Variants in PSD3 observed in about 807,000 individuals in gnomAD.
The protein encoded by PSD3 is pleckstrin and Sec7 domain containing 3, also known as PH and SEC7 domain-containing protein 3.
In PSD3, 49 loss-of-function variants were observed where a neutral mutation model predicts 105.5. The observed-to-expected ratio is 0.46, with a 90% CI of 0.37 to 0.59. The LOEUF (loss-of-function observed/expected upper bound fraction) is 0.59. Ranked by LOEUF, PSD3 falls within the 20% of genes least tolerant of loss-of-function variation. PSD3 has a pLI of 0.00. For missense variants in PSD3, 1,561 were observed against 1,263.8 expected, an observed-to-expected ratio of 1.24 and a Z score of -3.57; for synonymous variants, 557 against 457.8, an observed-to-expected ratio of 1.22 and a Z score of -2.77.
chr8:18,534,669 A>C lies in PSD3; in HGVS notation c.*1074T>G, dbSNP rs865866286. The C allele has an allele frequency of 7.9e-5, 12 of 152,350 alleles. No individual in the cohort carries two copies. Among genetic ancestry groups the C allele is most frequent in the South Asian group, 2.1e-4 (1 of 4,824 alleles). 9.4% of individuals were successfully genotyped at this position (152,350 alleles called of 1,614,324 possible). A position where few individuals can be genotyped will look rare whatever the true frequency, so the allele number is the denominator to read the frequency against. ...GATATATTTTAAAGAACCAATATCC[A>C]TCGTGGACAACTGCAGCTACGTTTT... On this transcript the variant is annotated 3_prime_UTR_variant, in exon 16 of 16. Coordinates refer to ENST00000327040, the MANE Select transcript of PSD3 (RefSeq NM_015310.4).
chr8:18,963,897 T>G (rs968275118), intron 1 of PSD3, among the ~76,000 whole-genome samples: 1 of 152,326 alleles, frequency 6.6e-6, no homozygotes, highest in Middle Eastern at 3.4e-3. Flanking sequence ...ATGCTTATCT[T>G]GCTTACTTAC....
intron 10 of PSD3, among the ~76,000 whole-genome samples, chr8:18,642,318 T>C (rs969488121): frequency 6.6e-6 from 1 of 152,138 alleles, no homozygotes; most frequent in African/African-American, 2.4e-5. Flanking sequence ...CTGGCTAAAT[T>C]TTCTCACCTT....
intron 11 of PSD3, among the ~76,000 whole-genome samples, chr8:18,606,147 A>G (rs1008678680): frequency 2.0e-5 from 3 of 152,174 alleles, no homozygotes; most frequent in Non-Finnish European, 4.4e-5. Context: ...AAACCTGTAG[A>G]CATTATAACT....
At chr8:18,702,507 A>C (rs532794803) in intron 9 of PSD3, among the ~76,000 whole-genome samples, 6 of 152,348 alleles carry the variant, frequency 3.9e-5, no homozygotes, top group African/African-American at 1.4e-4. Context: ...AACAATGTGC[A>C]ATGATCAAGT....
At chr8:18,752,840 A>G (rs1805724261) in intron 9 of PSD3, among the ~76,000 whole-genome samples, 2 of 150,054 alleles carry the variant, frequency 1.3e-5, no homozygotes, top group Admixed American at 6.8e-5. Flanking sequence ...AAGAGCATGG[A>G]AATGAGGCAA....
intron 4 of PSD3, among the ~76,000 whole-genome samples, chr8:18,852,015 A>G (rs1174153470): frequency 3.3e-5 from 5 of 152,238 alleles, no homozygotes; most frequent in Admixed American, 2.0e-4. Flanking sequence ...AACTAATCAC[A>G]CAACAGTTTT....
At chr8:18,674,805 A>G (rs1799980678) in intron 9 of PSD3, among the ~76,000 whole-genome samples, 1 of 152,192 alleles carries the variant, frequency 6.6e-6, no homozygotes, top group Admixed American at 6.5e-5. Flanking sequence ...TGGGGTGTTC[A>G]AGACCAGACT....
In PSD3 at chr8:18,989,337, G is replaced by A. The variant is rs1187446802; in HGVS notation, c.21+24226C>T. On this transcript the variant is annotated intron_variant, in intron 1 of 15. Transcript: ENST00000327040. ...TTCTGCTTTCAGTCTCTTTTCATGGGTCCTTCAGAATGAGTTTTGGAAAGG... is the reference window on the plus strand; with the variant it reads ...TTCTGCTTTCAGTCTCTTTTCATGGATCCTTCAGAATGAGTTTTGGAAAGG... 5.3e-5 allele frequency: 8 copies of A among 152,148 alleles called. No homozygotes were observed. In the South Asian group the frequency reaches 1.4e-3, roughly 28 times the overall value. The allele number at this position is 152,148 out of a possible 1,614,324, so 9.4% of individuals were successfully genotyped here. A position where few individuals can be genotyped will look rare whatever the true frequency, so the allele number is the denominator to read the frequency against.
chr8:18,644,002 G>C (rs1292588885), intron 10 of PSD3, among the ~76,000 whole-genome samples: 1 of 152,190 alleles, frequency 6.6e-6, no homozygotes, highest in African/African-American at 2.4e-5. Context: ...GCAGAGAACT[G>C]AGGGGGCTCT....
chr8:18,572,389 T>C, intron 14 of PSD3, 139 bp downstream of exon 14: 1 of 1,044,484 alleles, frequency 9.6e-7, no homozygotes, highest in Non-Finnish European at 1.4e-6. Flanking sequence ...CATATCTGCC[T>C]CATTTATATG....
intron 11 of PSD3, among the ~76,000 whole-genome samples, chr8:18,614,000 A>G (rs1323266419): frequency 6.6e-6 from 1 of 152,176 alleles, no homozygotes; most frequent in Non-Finnish European, 1.5e-5. Context: ...CTTGGTTTGG[A>G]ACACAATTTG....
chr8:18,892,260 G>A (rs1441635700), intron 2 of PSD3, among the ~76,000 whole-genome samples: 1 of 147,536 alleles, frequency 6.8e-6, no homozygotes, highest in African/African-American at 2.5e-5. Context: ...GTCTCGCTCT[G>A]TTGCCCAGGC....
At chr8:18,961,120 T>C (rs1487471351) in intron 1 of PSD3, among the ~76,000 whole-genome samples, 1 of 151,678 alleles carries the variant, frequency 6.6e-6, no homozygotes, top group African/African-American at 2.4e-5. Context: ...AAAAGACTAC[T>C]GGTGAAAGAA....
Position 18,801,359 on chromosome 8 carries a change from A to G in PSD3, c.1934T>C (p.Leu645Pro), listed in dbSNP as rs1404846922. ...CTCTCGTTCTTGAGTTTCTCCCACAAGAGAGAATGCTTTAAAGAAATACCT... is the reference window on the plus strand; with the variant it reads ...CTCTCGTTCTTGAGTTTCTCCCACAGGAGAGAATGCTTTAAAGAAATACCT... ...SLRYFFKAFS[L>P]VGETQERERV... is the part of the protein sequence containing the mutation. The change falls in exon 7 of 16, where the codon CTT (leucine) becomes CCT (proline). Residue 645 changes from leucine to proline, a missense_variant. Transcript: ENST00000327040. The G allele has an allele frequency of 1.2e-6, 2 of 1,603,756 alleles. No individual in the cohort carries two copies. Among genetic ancestry groups the G allele is most frequent in the Admixed American group, 1.7e-5 (1 of 59,000 alleles).
intron 2 of PSD3, among the ~76,000 whole-genome samples, chr8:18,934,548 C>T (rs963234277): frequency 2.0e-5 from 3 of 152,098 alleles, no homozygotes; most frequent in Non-Finnish European, 2.9e-5. Flanking sequence ...GTAGCTGTGA[C>T]TACAGGCACC....
At position 18,872,347 on chromosome 8, in the gene PSD3, G is replaced by C. The variant is rs531156184; in HGVS notation, c.517C>G (p.Leu173Val). ...TGTGTTTTACGACTGGCAGTGTCCA[G>C]CTCTTTTTCCACCTGCTGAACTGAA... Reference protein sequence around the residue: ...SFSVQQVEKELDTASRKTQRV... With the variant: ...SFSVQQVEKEVDTASRKTQRV... Residue 173 changes from leucine to valine, a missense_variant, in exon 3 of 16, where the codon CTG (leucine) becomes GTG (valine). Physicochemically the swap from Leu to Val is conservative, Grantham distance 32. Transcript: ENST00000327040. 2 of 1,614,186 alleles carry C rather than the reference G, an allele frequency of 1.2e-6. No individual in the cohort carries two copies. Among genetic ancestry groups the C allele is most frequent in the African/African-American group, 1.3e-5 (1 of 75,046 alleles).
At position 18,889,114 on chromosome 8, in the gene PSD3, C is replaced by A. The variant is rs370207360; in HGVS notation, c.131-16381G>T. Among the ~76,000 whole-genome samples the A allele has an allele frequency of 5.3e-5, 8 of 152,146 alleles. No homozygotes were observed. The East Asian group carries it at 1.4e-3, about 26-fold the overall frequency. ...TTTAGTTAACACTTACTTTGACTAA[C>A]CCCCTAAAACACCATTTCAAAACGT... On this transcript the variant is annotated intron_variant, in intron 2 of 15. Coordinates refer to ENST00000327040, the MANE Select transcript of PSD3 (RefSeq NM_015310.4).
Position 18,716,907 on chromosome 8 carries a change from C to T in PSD3, c.2172+48542G>A, listed in dbSNP as rs115883654. 5.7e-3 allele frequency among the ~76,000 whole-genome samples: 870 copies of T among 152,290 alleles called. 9 individuals carry two copies. The highest frequency in any genetic ancestry group is 0.019 in the African/African-American group (791 of 41,560). ...CATGTGTGAGCATGATCATCTCTAC[C>T]TTCTCTAAGACCAAGAGGAGTAGCC... On this transcript the variant is annotated intron_variant, in intron 9 of 15. Coordinates refer to ENST00000327040, the MANE Select transcript of PSD3 (RefSeq NM_015310.4).
chr8:18,961,459 C>A (rs977226431), intron 1 of PSD3, among the ~76,000 whole-genome samples: 2 of 152,248 alleles, frequency 1.3e-5, no homozygotes, highest in South Asian at 2.1e-4. Context: ...GAGGCCAAGG[C>A]GGGCGGATCA....
Sources: gnomAD v4.1 joint callset for allele counts (sites outside exome capture counted in the v4.1 genomes callset) on GRCh38, gnomAD v4.1.1 for gene constraint, MANE v1.5 for transcripts, NCBI Gene and HGNC (gene_info 2026-07-23, HGNC 2026-07-21) for gene names.